Variants in KCNIP4 observed in about 807,000 individuals in gnomAD.
KCNIP4 encodes the protein potassium voltage-gated channel interacting protein 4, also known as Kv channel-interacting protein 4.
Under a neutral mutation model 34.0 loss-of-function variants are expected in KCNIP4, and 12 were observed. The ratio of observed to expected loss-of-function variants is 0.35; its 90% confidence interval spans 0.23 to 0.57. The LOEUF is 0.57. KCNIP4 is among the 20% of genes least tolerant of loss of function. KCNIP4 has a pLI of 0.83. For synonymous variants in KCNIP4, 124 were observed against 102.2 expected (o/e 1.21, Z -1.29); for missense variants, 238 against 311.7 (o/e 0.76, Z 1.78).
At chr4:21,270,773 G>C (rs1378934167) in intron 1 of KCNIP4, among the ~76,000 whole-genome samples, 1 of 152,016 alleles carries the variant, frequency 6.6e-6, no homozygotes, top group African/African-American at 2.4e-5. Flanking sequence ...GATCACTTGA[G>C]GCCAGGAGTT....
At chr4:21,445,506 A>G (rs2109722697) in intron 1 of KCNIP4, among the ~76,000 whole-genome samples, 1 of 152,338 alleles carries the variant, frequency 6.6e-6, no homozygotes, top group South Asian at 2.1e-4. Flanking sequence ...CAAACCTGAC[A>G]AAAACAAGCA....
At chr4:21,349,966 G>C (rs1016200184) in intron 1 of KCNIP4, among the ~76,000 whole-genome samples, 3 of 152,134 alleles carry the variant, frequency 2.0e-5, no homozygotes, top group Admixed American at 2.0e-4. Context: ...AAACACTCCT[G>C]TGGGTGGACT....
intron 1 of KCNIP4, among the ~76,000 whole-genome samples, chr4:21,800,906 C>G (rs753639936): frequency 3.3e-5 from 5 of 152,176 alleles, no homozygotes; most frequent in Admixed American, 1.3e-4. Flanking sequence ...AGATTATGGT[C>G]ATAACATTTG....
At chr4:21,423,126 T>G (rs1020704497) in intron 1 of KCNIP4, among the ~76,000 whole-genome samples, 2 of 152,138 alleles carry the variant, frequency 1.3e-5, no homozygotes, top group African/African-American at 4.8e-5. Context: ...ACAAGGGAAC[T>G]CTCTTCCAAT....
intron 1 of KCNIP4, among the ~76,000 whole-genome samples, chr4:21,784,851 A>G (rs1719796987): frequency 6.6e-6 from 1 of 152,198 alleles, no homozygotes. Context: ...TGATCACACT[A>G]TATTTGATTC....
At chr4:21,252,488 C>T (rs1186849627) in intron 1 of KCNIP4, among the ~76,000 whole-genome samples, 6 of 151,944 alleles carry the variant, frequency 3.9e-5, no homozygotes, top group Non-Finnish European at 8.8e-5. Context: ...TACCCATTAT[C>T]GTGACAATGA....
rs1211053059 is a variant in KCNIP4 at position 20,734,635 on chromosome 4, G to C, written c.530C>G (p.Thr177Ser). ...TGGTGAGGCATCCCTTACCTCTTTAGTGATGTAGCCATCTTTATTTATGTC... is the reference window on the plus strand; with the variant it reads ...TGGTGAGGCATCCCTTACCTCTTTACTGATGTAGCCATCTTTATTTATGTC... ...LYDINKDGYITKEEMLDIMKA... is the reference protein window; with the variant it reads ...LYDINKDGYISKEEMLDIMKA... The change falls in exon 6 of 9, where the codon ACT becomes AGT. Residue 177 changes from threonine to serine, a missense_variant. Thr to Ser is a moderately conservative substitution (Grantham distance 58). Transcript: ENST00000382152. The C allele has an allele frequency of 6.7e-7, 1 of 1,496,448 alleles. No homozygotes were observed. Among genetic ancestry groups the C allele is most frequent in the Non-Finnish European group, 9.1e-7 (1 of 1,095,656 alleles). The allele number at this position is 1,496,448 out of a possible 1,614,324, so 92.7% of individuals were successfully genotyped here.
intron 1 of KCNIP4, among the ~76,000 whole-genome samples, chr4:21,315,056 C>T (rs755998334): frequency 1.3e-5 from 2 of 152,168 alleles, no homozygotes; most frequent in Non-Finnish European, 2.9e-5. Context: ...TAACTGGATA[C>T]TTCACTGGCT....
At chr4:21,354,681 TC>T (rs1193469860) in intron 1 of KCNIP4, among the ~76,000 whole-genome samples, 6 of 152,160 alleles carry the variant, frequency 3.9e-5, no homozygotes, top group Non-Finnish European at 8.8e-5. Flanking sequence ...AGACTTAGAT[TC>T]CCCCACAGTA....
At chr4:20,857,358 G>A (rs1379564307) in intron 2 of KCNIP4, among the ~76,000 whole-genome samples, 4 of 152,108 alleles carry the variant, frequency 2.6e-5, no homozygotes, top group Non-Finnish European at 5.9e-5. Context: ...TATTTTGGGT[G>A]GTTTTAACCC....
rs539792491 is a variant in KCNIP4, at chr4:20,729,243, A to T, written c.*839T>A. On this transcript the variant is annotated 3_prime_UTR_variant, in exon 9 of 9. Coordinates refer to ENST00000382152, the MANE Select transcript of KCNIP4 (RefSeq NM_025221.6). ...AGCATTACTATATACTGGAGGATAG[A>T]TATCCTGACCCTTTGCATATGTCTG... 6.6e-6 allele frequency: 1 copy of T among 151,586 alleles called. No homozygotes were observed. Among genetic ancestry groups the T allele is most frequent in the Non-Finnish European group, 1.5e-5 (1 of 67,880 alleles). The allele number at this position is 151,586 out of a possible 1,614,324, so 9.4% of individuals were successfully genotyped here.
At chr4:21,434,754 A>C (rs1726797353) in intron 1 of KCNIP4, among the ~76,000 whole-genome samples, 6 of 137,528 alleles carry the variant, frequency 4.4e-5, no homozygotes, top group Non-Finnish European at 7.9e-5. Flanking sequence ...CCCTCCCCAC[A>C]ACCCTGTCTG....
intron 1 of KCNIP4, among the ~76,000 whole-genome samples, chr4:21,119,567 A>G (rs80273545): frequency 0.015 from 2,292 of 151,780 alleles, 66 homozygotes; most frequent in African/African-American, 0.053. Flanking sequence ...GTAACCAAAC[A>G]TAGAGAGAAA....
intron 1 of KCNIP4, among the ~76,000 whole-genome samples, chr4:21,481,636 A>G (rs1731435607): frequency 6.6e-6 from 1 of 152,166 alleles, no homozygotes; most frequent in Admixed American, 6.5e-5. Flanking sequence ...ATGTGTTAAA[A>G]ATTTGAGCTT....
At chr4:20,841,044 A>G (rs1455565998) in intron 3 of KCNIP4, among the ~76,000 whole-genome samples, 1 of 152,190 alleles carries the variant, frequency 6.6e-6, no homozygotes, top group Non-Finnish European at 1.5e-5. Flanking sequence ...TGATAAAACA[A>G]ATAGAAGGTG....
intron 1 of KCNIP4, among the ~76,000 whole-genome samples, chr4:21,037,360 C>A (rs777387880): frequency 6.6e-6 from 1 of 152,164 alleles, no homozygotes; most frequent in Non-Finnish European, 1.5e-5. Flanking sequence ...ATAGTAAGTG[C>A]CCTGCATAGG....
chr4:21,938,221 C>T (rs1051604897), intron 1 of KCNIP4, among the ~76,000 whole-genome samples: 1 of 152,114 alleles, frequency 6.6e-6, no homozygotes, highest in Admixed American at 6.5e-5. Flanking sequence ...ATCCCACTTG[C>T]GTAGTATGAC....
intron 1 of KCNIP4, among the ~76,000 whole-genome samples, chr4:20,972,170 G>A (rs1735019305): frequency 6.6e-6 from 1 of 152,166 alleles, no homozygotes; most frequent in Admixed American, 6.5e-5. Context: ...AATCATTCAT[G>A]AGAGTTGAAG....
At chr4:21,224,433 C>T (rs1004170105) in intron 1 of KCNIP4, among the ~76,000 whole-genome samples, 1 of 151,936 alleles carries the variant, frequency 6.6e-6, no homozygotes, top group Non-Finnish European at 1.5e-5. Context: ...CAACTTACCT[C>T]CCCAAAGCCT....
Sources: gnomAD v4.1 joint callset for allele counts (sites outside exome capture counted in the v4.1 genomes callset) on GRCh38, gnomAD v4.1.1 for gene constraint, MANE v1.5 for transcripts, NCBI Gene and HGNC (gene_info 2026-07-23, HGNC 2026-07-21) for gene names.